Variants in LRMDA observed in about 807,000 individuals in gnomAD.
LRMDA encodes leucine-rich melanocyte differentiation-associated protein.
Under a neutral mutation model 29.8 loss-of-function variants are expected in LRMDA, and 18 were observed. The observed-to-expected ratio is 0.60, with a 90% confidence interval of 0.42 to 0.90. The LOEUF (loss-of-function observed/expected upper bound fraction) is 0.90. Among genes scored for constraint, LRMDA ranks in the 40% least tolerant of loss-of-function variants. LRMDA has a pLI of 0.00. For synonymous variants in LRMDA, 125 were observed against 109.4 expected, an observed-to-expected ratio of 1.14 and a Z score of -0.89; for missense variants, 273 against 273.9, an observed-to-expected ratio of 1.00 and a Z score of 0.02.
intron 5 of LRMDA, among the ~76,000 whole-genome samples, chr10:76,245,683 G>A (rs1287984971): frequency 6.6e-6 from 1 of 152,180 alleles, no homozygotes; most frequent in Non-Finnish European, 1.5e-5. Context: ...TTATTAAGAA[G>A]CAGAGCCAGG....
intron 5 of LRMDA, among the ~76,000 whole-genome samples, chr10:76,289,801 C>T (rs1189012805): frequency 6.6e-6 from 1 of 152,136 alleles, no homozygotes; most frequent in Non-Finnish European, 1.5e-5. Flanking sequence ...CAAACCAATC[C>T]TTTTCGAGCA....
rs113853687 is a variant in LRMDA, at chr10:76,351,708, GA to G, written c.601+27236del. Among the ~76,000 whole-genome samples, 215 of 133,568 alleles carry G rather than the reference GA, an allele frequency of 1.6e-3. 1 individual carries two copies. Among genetic ancestry groups the G allele is most frequent in the South Asian group, 6.1e-3 (24 of 3,964 alleles). 87.6% of individuals were successfully genotyped at this position (133,568 alleles called of 152,430 possible). A position where few individuals can be genotyped will look rare whatever the true frequency, so the allele number is the denominator to read the frequency against. On this transcript the variant is annotated intron_variant, in intron 6 of 6. Transcript: ENST00000611255. ...CCGGTGATTCTTAGAACTCTAGTCT[GA>G]AAAAAAAAAAAAGCCCCTGTGAGAT...
At chr10:76,372,897 C>A (rs1220433239) in intron 6 of LRMDA, among the ~76,000 whole-genome samples, 1 of 152,056 alleles carries the variant, frequency 6.6e-6, no homozygotes, top group Non-Finnish European at 1.5e-5. Flanking sequence ...ATCAGCTTAC[C>A]CCAAACTGTA....
At chr10:76,053,654 T>G (rs1848565673) in intron 4 of LRMDA, among the ~76,000 whole-genome samples, 1 of 152,108 alleles carries the variant, frequency 6.6e-6, no homozygotes, top group Non-Finnish European at 1.5e-5. Context: ...TTGGCAATAA[T>G]GTTTGGAGCG....
intron 3 of LRMDA, among the ~76,000 whole-genome samples, chr10:76,036,620 G>A (rs1314925593): frequency 1.3e-5 from 2 of 152,210 alleles, no homozygotes; most frequent in African/African-American, 2.4e-5. Flanking sequence ...AGGGAAAGGA[G>A]CTAAGGTGGC....
At chr10:75,913,466 A>G (rs370465266) in intron 2 of LRMDA, among the ~76,000 whole-genome samples, 2 of 152,324 alleles carry the variant, frequency 1.3e-5, no homozygotes, top group African/African-American at 2.4e-5. Flanking sequence ...GGGGGGAAAA[A>G]AAATTCTTCT....
chr10:75,484,419 A>G (rs1301143014), intron 2 of LRMDA, among the ~76,000 whole-genome samples: 1 of 152,194 alleles, frequency 6.6e-6, no homozygotes, highest in Admixed American at 6.5e-5. Flanking sequence ...AATATTTAAT[A>G]TATTTAATGG....
intron 5 of LRMDA, among the ~76,000 whole-genome samples, chr10:76,301,563 A>G (rs1409280739): frequency 6.6e-6 from 1 of 152,214 alleles, no homozygotes; most frequent in Non-Finnish European, 1.5e-5. Flanking sequence ...TGAATTCACC[A>G]CACAATGGCC....
intron 2 of LRMDA, among the ~76,000 whole-genome samples, chr10:76,016,890 G>T (rs1847888123): frequency 6.6e-6 from 1 of 152,194 alleles, no homozygotes; most frequent in Non-Finnish European, 1.5e-5. Flanking sequence ...TTGCCTCCTT[G>T]TGAAACCACT....
chr10:76,074,772 C>A (rs937279278), intron 5 of LRMDA, among the ~76,000 whole-genome samples: 1 of 152,058 alleles, frequency 6.6e-6, no homozygotes, highest in Non-Finnish European at 1.5e-5. Flanking sequence ...TTCATTGACC[C>A]TTGATGTGTT....
intron 2 of LRMDA, among the ~76,000 whole-genome samples, chr10:76,017,230 T>A (rs1031621652): frequency 6.6e-6 from 1 of 151,958 alleles, no homozygotes; most frequent in Non-Finnish European, 1.5e-5. Flanking sequence ...AAGGCCAGAG[T>A]TAGGCTGGGC....
At chr10:75,804,784 C>T (rs1369198297) in intron 2 of LRMDA, among the ~76,000 whole-genome samples, 1 of 152,172 alleles carries the variant, frequency 6.6e-6, no homozygotes, top group Non-Finnish European at 1.5e-5. Flanking sequence ...TCTAAAATGG[C>T]TTGTCCTTTG....
At chr10:75,904,369 C>T (rs1376190122) in intron 2 of LRMDA, among the ~76,000 whole-genome samples, 3 of 152,138 alleles carry the variant, frequency 2.0e-5, no homozygotes, top group African/African-American at 7.2e-5. Flanking sequence ...TTCTGAGGTC[C>T]TGTAGTGAAA....
In LRMDA at chr10:75,435,231, T is replaced by A. The variant is rs747577; in HGVS notation, c.31-3163T>A. On this transcript the variant is annotated intron_variant, in intron 1 of 6. Coordinates refer to ENST00000611255, the MANE Select transcript of LRMDA (RefSeq NM_001305581.2). Reference sequence around the variant, plus strand: ...TTCTGTGCCATTTAAGATCTATTAATCTCTGTATCCCGTCTCCCTTTTGCT... The same window carrying A: ...TTCTGTGCCATTTAAGATCTATTAAACTCTGTATCCCGTCTCCCTTTTGCT... Among the ~76,000 whole-genome samples the A allele has an allele frequency of 3.1e-3, 476 of 152,356 alleles. 5 individuals carry two copies. The highest frequency in any genetic ancestry group is 0.011 in the African/African-American group (452 of 41,576).
intron 6 of LRMDA, among the ~76,000 whole-genome samples, chr10:76,472,831 G>A (rs1192892125): frequency 1.3e-5 from 2 of 151,312 alleles, no homozygotes; most frequent in Non-Finnish European, 3.0e-5. Context: ...TAGAACATTT[G>A]AATGGACCTA....
chr10:75,949,763 T>C (rs1012493228), intron 2 of LRMDA, among the ~76,000 whole-genome samples: 1 of 152,176 alleles, frequency 6.6e-6, no homozygotes, highest in East Asian at 1.9e-4. Context: ...GCTTGCTTTT[T>C]GAGGAAGCCA....
chr10:75,957,921 C>T (rs149036289), intron 2 of LRMDA, among the ~76,000 whole-genome samples: 343 of 152,292 alleles, frequency 2.3e-3, no homozygotes, highest in Non-Finnish European at 4.0e-3. Context: ...TTACCAGACA[C>T]ATCTTTCTCT....
chr10:76,056,649 C>G (rs1344229808), intron 4 of LRMDA, among the ~76,000 whole-genome samples: 1 of 152,242 alleles, frequency 6.6e-6, no homozygotes, highest in Admixed American at 6.5e-5. Flanking sequence ...CATGTACACA[C>G]TCAGCCAGAT....
chr10:76,248,731 T>C (rs1056247351), intron 5 of LRMDA, among the ~76,000 whole-genome samples: 1 of 151,304 alleles, frequency 6.6e-6, no homozygotes, highest in African/African-American at 2.5e-5. Flanking sequence ...AGAATTTTTC[T>C]GGGAGAGGAA....
Sources: allele counts gnomAD v4.1 joint callset (sites outside exome capture counted in the v4.1 genomes callset), GRCh38; gene constraint gnomAD v4.1.1; transcripts MANE v1.5; gene names NCBI Gene and HGNC (gene_info 2026-07-23, HGNC 2026-07-21).